MCTP2: variants seen among roughly 807,000 people sequenced by gnomAD.
The protein encoded by MCTP2 is multiple C2 and transmembrane domain containing 2.
MCTP2 carries 132 observed loss-of-function variants against 111.6 expected under a neutral mutation model. That is an observed-to-expected ratio of 1.18 (90% CI 1.03 to 1.37). MCTP2 has a LOEUF of 1.37. Among genes scored for constraint, MCTP2 ranks in the 40% most tolerant of loss-of-function variants. MCTP2 has a pLI of 0.00. For synonymous variants in MCTP2, 395 were observed against 387.7 expected (o/e 1.02, Z -0.22); for missense variants, 1,183 against 1,067.9 (o/e 1.11, Z -1.50).
intron 8 of MCTP2, among the ~76,000 whole-genome samples, chr15:94,353,892 T>C (rs1354645606): frequency 6.6e-6 from 1 of 152,198 alleles, no homozygotes; most frequent in African/African-American, 2.4e-5. Context: ...TATGTGCATA[T>C]ATGCAGATAC....
chr15:94,318,109 C>A (rs911562924), intron 4 of MCTP2, among the ~76,000 whole-genome samples: 1 of 151,996 alleles, frequency 6.6e-6, no homozygotes, highest in Non-Finnish European at 1.5e-5. Context: ...GCACAGTGTC[C>A]AGTGGTTACT....
At chr15:94,312,151 G>A (rs753960250) in intron 2 of MCTP2, among the ~76,000 whole-genome samples, 7 of 152,166 alleles carry the variant, frequency 4.6e-5, no homozygotes, top group Admixed American at 2.0e-4. Flanking sequence ...CATCAGCACC[G>A]TTTACTCTTG....
At chr15:94,425,514 A>G (rs375762254) in intron 17 of MCTP2, among the ~76,000 whole-genome samples, 1 of 151,974 alleles carries the variant, frequency 6.6e-6, no homozygotes, top group Non-Finnish European at 1.5e-5. Flanking sequence ...AATACATTAT[A>G]AAAAAAACAG....
chr15:94,281,611 G>C (rs1008439316), intron 1 of MCTP2, among the ~76,000 whole-genome samples: 1 of 152,094 alleles, frequency 6.6e-6, no homozygotes, highest in South Asian at 2.1e-4. Context: ...GATGTTCACT[G>C]TTTGTTATAT....
intron 1 of MCTP2, among the ~76,000 whole-genome samples, chr15:94,247,947 A>G (rs1231652418): frequency 6.6e-6 from 1 of 152,192 alleles, no homozygotes; most frequent in Non-Finnish European, 1.5e-5. Flanking sequence ...GGGAAAATCC[A>G]GTCTCTTCCC....
intron 4 of MCTP2, among the ~76,000 whole-genome samples, chr15:94,338,781 A>G (rs1309229025): frequency 2.0e-5 from 3 of 152,106 alleles, no homozygotes; most frequent in Non-Finnish European, 4.4e-5. Flanking sequence ...TTTAATCTCT[A>G]CGCCTCCAGT....
At chr15:94,388,280 G>A (rs974576763) in intron 14 of MCTP2, among the ~76,000 whole-genome samples, 1 of 152,172 alleles carries the variant, frequency 6.6e-6, no homozygotes, top group Non-Finnish European at 1.5e-5. Flanking sequence ...GGACTTCGGG[G>A]GACCCTGGCA....
chr15:94,459,985 G>A (rs1267099986), intron 20 of MCTP2, among the ~76,000 whole-genome samples: 1 of 152,210 alleles, frequency 6.6e-6, no homozygotes, highest in Non-Finnish European at 1.5e-5. Context: ...GAATCACAGA[G>A]TGATTAAATT....
chr15:94,244,222 GTATA>G (rs1303120423), intron 1 of MCTP2, among the ~76,000 whole-genome samples: 4 of 135,272 alleles, frequency 3.0e-5, no homozygotes, highest in African/African-American at 5.6e-5. Context: ...ATACATATGT[GTATA>G]TATTTATATA....
At chr15:94,440,995 G>A (rs989918345) in intron 18 of MCTP2, among the ~76,000 whole-genome samples, 2 of 151,816 alleles carry the variant, frequency 1.3e-5, no homozygotes, top group South Asian at 2.1e-4. Context: ...ACTTGTATTT[G>A]TAGGCTTTTT....
intron 12 of MCTP2, among the ~76,000 whole-genome samples, chr15:94,375,472 T>C (rs370913814): frequency 2.6e-5 from 4 of 152,166 alleles, no homozygotes; most frequent in African/African-American, 7.2e-5. Context: ...ACTGGAAATA[T>C]CATCTTGACT....
chr15:94,384,611 G>A (rs1011218226), intron 13 of MCTP2, among the ~76,000 whole-genome samples: 1 of 152,186 alleles, frequency 6.6e-6, no homozygotes, highest in Non-Finnish European at 1.5e-5. Context: ...TAGGAGGCTG[G>A]ATAGATTTAA....
chr15:94,439,108 A>G (rs1166359944), intron 17 of MCTP2, among the ~76,000 whole-genome samples: 1 of 152,232 alleles, frequency 6.6e-6, no homozygotes, highest in South Asian at 2.1e-4. Context: ...TTGCTTTTAT[A>G]TGTAAATAAT....
At chr15:94,417,397 C>T (rs377049188) in intron 17 of MCTP2, among the ~76,000 whole-genome samples, 1 of 152,082 alleles carries the variant, frequency 6.6e-6, no homozygotes, top group African/African-American at 2.4e-5. Flanking sequence ...CCTTCATTTA[C>T]AGGATGCAAC....
chr15:94,325,374 C>G (rs529581860), intron 4 of MCTP2, among the ~76,000 whole-genome samples: 26 of 152,268 alleles, frequency 1.7e-4, no homozygotes, highest in African/African-American at 6.0e-4. Context: ...TATAGTTATT[C>G]TAGTTTGGGT....
chr15:94,377,721 C>T lies in MCTP2; in HGVS notation c.1583-6301C>T, dbSNP rs138746187. ...GTGAAGTGACTGATTTAACCAGTGA[C>T]TGTCTAATTTCAATTACTGCTAAGG... On this transcript the variant is annotated intron_variant, in intron 12 of 22. Coordinates refer to ENST00000357742, the MANE Select transcript of MCTP2 (RefSeq NM_001385001.1). Among the ~76,000 whole-genome samples the T allele has an allele frequency of 4.3e-4, 65 of 152,244 alleles. 1 individual carries two copies. In the East Asian group the frequency reaches 0.012, roughly 29 times the overall value.
At chr15:94,363,000 A>G (rs1279587457) in intron 10 of MCTP2, among the ~76,000 whole-genome samples, 1 of 152,228 alleles carries the variant, frequency 6.6e-6, no homozygotes, top group Non-Finnish European at 1.5e-5. Context: ...GAGTAGAACA[A>G]TGGCATTTTA....
In MCTP2 at chr15:94,379,682, A is replaced by G. The variant is rs144937969; in HGVS notation, c.1583-4340A>G. Among the ~76,000 whole-genome samples, 44 of 148,938 alleles carry G rather than the reference A, an allele frequency of 3.0e-4. 1 individual carries two copies. The East Asian group carries it at 8.2e-3, about 28-fold the overall frequency. ...ATCGCTATTTGCCTCTCTCTCTCATATATATACAAAATGTAAATATCATAT... is the reference window on the plus strand; with the variant it reads ...ATCGCTATTTGCCTCTCTCTCTCATGTATATACAAAATGTAAATATCATAT... On this transcript the variant is annotated intron_variant, in intron 12 of 22. Transcript: ENST00000357742.
chr15:94,260,874 T>C (rs1265683510), intron 1 of MCTP2, among the ~76,000 whole-genome samples: 1 of 152,130 alleles, frequency 6.6e-6, no homozygotes, highest in Non-Finnish European at 1.5e-5. Flanking sequence ...TCCTCCCTTT[T>C]GGAATTACTG....
Sources: gnomAD v4.1 joint callset for allele counts (sites outside exome capture counted in the v4.1 genomes callset) on GRCh38, gnomAD v4.1.1 for gene constraint, MANE v1.5 for transcripts, NCBI Gene and HGNC (gene_info 2026-07-23, HGNC 2026-07-21) for gene names.